ARMC2: variants seen among roughly 807,000 people sequenced by gnomAD.
The protein encoded by ARMC2 is armadillo repeat containing 2.
A neutral mutation model predicts 90.3 loss-of-function variants in ARMC2; 67 were observed. The observed-to-expected ratio is 0.74, with a 90% CI of 0.61 to 0.91. The LOEUF (loss-of-function observed/expected upper bound fraction) is 0.91. ARMC2 is among the 40% of genes least tolerant of loss of function. The pLI, the probability that ARMC2 is intolerant of heterozygous loss-of-function variation, is 0.00. For synonymous variants in ARMC2, 393 were observed against 393.0 expected, an observed-to-expected ratio of 1.00 and a Z score of 0.00; for missense variants, 920 against 1,030.9, an observed-to-expected ratio of 0.89 and a Z score of 1.47.
At chr6:108,991,721 TA>T in the ARMC2 span, among the ~76,000 whole-genome samples, 1 of 152,196 alleles carries the variant, frequency 6.6e-6, no homozygotes, top group Non-Finnish European at 1.5e-5. Context: ...GTTGCTTTCC[TA>T]AAAACACCTC....
chr6:109,005,094 A>G, the ARMC2 span, among the ~76,000 whole-genome samples: 2 of 152,358 alleles, frequency 1.3e-5, no homozygotes, highest in South Asian at 4.1e-4. Flanking sequence ...AGATGTGCTC[A>G]CATTTGTGAA....
chr6:108,999,693 G>T, the ARMC2 span, among the ~76,000 whole-genome samples: 9 of 152,206 alleles, frequency 5.9e-5, no homozygotes, highest in African/African-American at 2.2e-4. Flanking sequence ...AACTGATACT[G>T]CCCTTTGGAA....
Position 108,910,342 on chromosome 6 carries a change from G to C in ARMC2, c.1024-557G>C, listed in dbSNP as rs151301988. 7.7e-3 allele frequency among the ~76,000 whole-genome samples: 1,175 copies of C among 152,262 alleles called. 15 individuals are homozygous for C. The highest frequency in any genetic ancestry group is 0.028 in the African/African-American group (1,147 of 41,546). ...ACAGTGGCACAAGCCTATAGTCCCA[G>C]CTGCTCTGGCGGCTGAGGCAAGAGA... On this transcript the variant is annotated intron_variant, in intron 8 of 17. Transcript: ENST00000392644.
intron 5 of ARMC2, 33 bp from the exon 6 acceptor site, chr6:108,894,434 G>A (rs1290090602): frequency 3.8e-6 from 6 of 1,570,386 alleles, no homozygotes; most frequent in Non-Finnish European, 5.2e-6. Flanking sequence ...GTGTTTTCAT[G>A]TTTGCGCTGA....
chr6:109,038,310 T>C, the ARMC2 span, among the ~76,000 whole-genome samples: 15 of 152,278 alleles, frequency 9.9e-5, no homozygotes, highest in East Asian at 2.5e-3. Context: ...CTGGCCAACA[T>C]AGTGAAACCT....
At chr6:108,959,582 A>T (rs1340741987) in intron 13 of ARMC2, 7 of 152,146 alleles carry the variant, frequency 4.6e-5, no homozygotes, top group African/African-American at 1.7e-4. Flanking sequence ...TGCAGGAGGG[A>T]GGGGAGGCGG....
intron 17 of ARMC2, among the ~76,000 whole-genome samples, chr6:108,968,026 AATTATCCTGT>A (rs796839980): frequency 7.9e-5 from 12 of 152,202 alleles, no homozygotes; most frequent in African/African-American, 2.6e-4. Flanking sequence ...CTTGTCCTGT[AATTATCCTGT>A]ATTATTATTT....
chr6:109,001,230 C>A, the ARMC2 span: 16 of 1,415,704 alleles, frequency 1.1e-5, no homozygotes, highest in South Asian at 1.6e-4. Context: ...CATTAACTGT[C>A]TCTTAAAGAG....
chr6:109,001,351 C>T, the ARMC2 span: 190,072 of 1,613,250 alleles, frequency 0.12, 12,094 homozygotes, highest in South Asian at 0.19. Context: ...GTAGATAGTG[C>T]TGAGTTTTTA....
chr6:108,865,607 T>C (rs936033283), intron 3 of ARMC2, among the ~76,000 whole-genome samples: 1 of 152,228 alleles, frequency 6.6e-6, no homozygotes, highest in Non-Finnish European at 1.5e-5. Context: ...AATTTTGCAC[T>C]AAGAAAATAA....
the ARMC2 span, among the ~76,000 whole-genome samples, chr6:108,990,225 C>T: frequency 6.6e-6 from 1 of 151,914 alleles, no homozygotes; most frequent in East Asian, 1.9e-4. Flanking sequence ...ATTATGAGAG[C>T]AAGTACTCCT....
chr6:108,880,118 A>T (rs904666975), intron 5 of ARMC2: 1 of 366,966 alleles, frequency 2.7e-6, no homozygotes, highest in African/African-American at 2.1e-5. Context: ...CATCAATGAA[A>T]CAACAACAAA....
In ARMC2 at chr6:108,973,530, C is replaced by T; in HGVS notation, c.*16C>T. On this transcript the variant is annotated 3_prime_UTR_variant, in exon 18 of 18. Coordinates refer to ENST00000392644, the MANE Select transcript of ARMC2 (RefSeq NM_032131.6). Reference sequence around the variant, plus strand: ...CTCTTTCTAACATGATGCAGATTAACAGTAGAAACGAGAACTCACGTCTCC... The same window carrying T: ...CTCTTTCTAACATGATGCAGATTAATAGTAGAAACGAGAACTCACGTCTCC... 6.3e-7 allele frequency: 1 copy of T among 1,594,936 alleles called. No individual in the cohort carries two copies. Among genetic ancestry groups the T allele is most frequent in the Non-Finnish European group, 8.6e-7 (1 of 1,168,752 alleles).
chr6:108,890,274 G>A (rs1407733529), intron 5 of ARMC2, among the ~76,000 whole-genome samples: 1 of 145,702 alleles, frequency 6.9e-6, no homozygotes, highest in Non-Finnish European at 1.5e-5. Flanking sequence ...ACTTCATCAG[G>A]GCAATGCCAT....
At chr6:108,956,535 A>T (rs1777597646) in intron 13 of ARMC2, among the ~76,000 whole-genome samples, 1 of 105,118 alleles carries the variant, frequency 9.5e-6, no homozygotes, top group Non-Finnish European at 2.1e-5. Flanking sequence ...TGTCTCTATT[A>T]AAAAAAAAAA....
In ARMC2 at chr6:108,880,777, C is replaced by CTCCTTCCT. The variant is rs71015566; in HGVS notation, c.671+4436_671+4443dup. On this transcript the variant is annotated intron_variant, in intron 5 of 17. Coordinates refer to ENST00000392644, the MANE Select transcript of ARMC2 (RefSeq NM_032131.6). Reference sequence around the variant, plus strand: ...CTTCCCCCTTTCCGTTCCCTTCCCTCTCCTTCCTTCCTTCCTCTCTCTTTC... The same window carrying CTCCTTCCT: ...CTTCCCCCTTTCCGTTCCCTTCCCTCTCCTTCCTTCCTTCCTTCCTTCCTCTCTCTTTC... 8.2e-4 allele frequency among the ~76,000 whole-genome samples: 119 copies of CTCCTTCCT among 145,326 alleles called. No individual in the cohort carries two copies. The East Asian group carries it at 0.01, about 12-fold the overall frequency.
At chr6:108,968,698 C>CAA (rs560545431) in intron 17 of ARMC2, among the ~76,000 whole-genome samples, 6 of 152,070 alleles carry the variant, frequency 3.9e-5, no homozygotes, top group African/African-American at 1.2e-4. Context: ...AACAAACAAA[C>CAA]AAACAAAAAC....
chr6:108,883,544 A>C (rs1338776732), intron 5 of ARMC2, among the ~76,000 whole-genome samples: 1 of 152,244 alleles, frequency 6.6e-6, no homozygotes, highest in Admixed American at 6.5e-5. Context: ...CTTTACTTTC[A>C]TAATGGGGAA....
At chr6:108,929,996 A>G (rs1356216528) in intron 11 of ARMC2, among the ~76,000 whole-genome samples, 1 of 151,926 alleles carries the variant, frequency 6.6e-6, no homozygotes, top group East Asian at 1.9e-4. Flanking sequence ...GCATGGTGGT[A>G]TGTGACTGTA....
Sources: allele counts gnomAD v4.1 joint callset (sites outside exome capture counted in the v4.1 genomes callset), GRCh38; gene constraint gnomAD v4.1.1; transcripts MANE v1.5; gene names NCBI Gene and HGNC (gene_info 2026-07-23, HGNC 2026-07-21).